Variants in SLC4A4 observed in about 807,000 individuals in gnomAD.
The protein encoded by SLC4A4 is solute carrier family 4 member 4, also known as electrogenic sodium bicarbonate cotransporter 1.
SLC4A4 carries 27 observed loss-of-function variants against 111.5 expected under a neutral mutation model. The ratio of observed to expected loss-of-function variants is 0.24; its 90% CI spans 0.18 to 0.33. The LOEUF (loss-of-function observed/expected upper bound fraction) is 0.33. Among genes scored for constraint, SLC4A4 ranks in the 10% least tolerant of loss-of-function variants. The probability of loss-of-function intolerance (pLI) is 1.00; values close to 1 mark genes in which losing one functional copy is unlikely to be tolerated. For synonymous variants in SLC4A4, 443 were observed against 463.4 expected (o/e 0.96, Z 0.57); for missense variants, 909 against 1,315.5 (o/e 0.69, Z 4.78).
chr4:71,534,336 T>C lies in SLC4A4; in HGVS notation c.2390T>C (p.Met797Thr), dbSNP rs1244576835. 1.2e-6 allele frequency: 2 copies of C among 1,613,520 alleles called. No individual in the cohort carries two copies. The highest frequency in any genetic ancestry group is 1.7e-6 in the Non-Finnish European group (2 of 1,179,694). The change falls in exon 18 of 26, where the codon ATG becomes ACG. Residue 797 changes from methionine (M) to threonine (T), a missense_variant. Transcript: ENST00000264485. ...PALLVTILIF[M>T]DQQITAVIVN... Reference sequence around the variant, plus strand: ...TTGTTGGTCACTATACTGATTTTCATGGACCAACAAATTACAGCTGTGATT... The same window carrying C: ...TTGTTGGTCACTATACTGATTTTCACGGACCAACAAATTACAGCTGTGATT...
chr4:71,224,818 A>C (rs2149026498), intron 1 of SLC4A4, among the ~76,000 whole-genome samples: 1 of 152,310 alleles, frequency 6.6e-6, no homozygotes, highest in African/African-American at 2.4e-5. Context: ...ATTATGAAAG[A>C]GTATAGTAGA....
chr4:71,436,861 T>G lies in SLC4A4; in HGVS notation c.808-3755T>G, dbSNP rs910221193. 8.0e-4 allele frequency: 147 copies of G among 184,210 alleles called. 1 individual carries two copies. Among genetic ancestry groups the G allele is most frequent in the African/African-American group, 3.2e-3 (132 of 41,848 alleles). 11.4% of individuals were successfully genotyped at this position (184,210 alleles called of 1,614,324 possible). ...TCCTTGTAACTTCCCATTGACAGTGTCATGTCATTAAAACCCAGGCTATGT... is the reference window on the plus strand; with the variant it reads ...TCCTTGTAACTTCCCATTGACAGTGGCATGTCATTAAAACCCAGGCTATGT... On this transcript the variant is annotated intron_variant, in intron 7 of 25. Transcript: ENST00000264485.
chr4:71,295,350 G>A (rs183083197), intron 3 of SLC4A4, among the ~76,000 whole-genome samples: 80 of 152,258 alleles, frequency 5.3e-4, no homozygotes, highest in Non-Finnish European at 9.7e-4. Context: ...CAAACCCTAG[G>A]TGTATATCCA....
At chr4:71,070,043 T>A (rs542576202) in intron 1 of SLC4A4, among the ~76,000 whole-genome samples, 1 of 152,216 alleles carries the variant, frequency 6.6e-6, no homozygotes, top group South Asian at 2.1e-4. Context: ...ATCAGAAGAT[T>A]TTCTCATTTA....
intron 6 of SLC4A4, among the ~76,000 whole-genome samples, chr4:71,368,306 G>C (rs1318413657): frequency 6.6e-6 from 1 of 152,152 alleles, no homozygotes; most frequent in Non-Finnish European, 1.5e-5. Flanking sequence ...TGTGGTCTAA[G>C]ATTTGGCATA....
intron 3 of SLC4A4, among the ~76,000 whole-genome samples, chr4:71,280,652 G>A (rs528633151): frequency 6.6e-6 from 1 of 152,222 alleles, no homozygotes; most frequent in East Asian, 1.9e-4. Context: ...TCACAGAGCA[G>A]AAGTTTTAAG....
At chr4:71,334,475 G>A (rs1037227444) in intron 3 of SLC4A4, among the ~76,000 whole-genome samples, 3 of 152,122 alleles carry the variant, frequency 2.0e-5, no homozygotes, top group Admixed American at 6.5e-5. Context: ...CTTGGAGTTG[G>A]GGGAGAGGTG....
Position 71,187,327 on chromosome 4 carries a change from G to C in SLC4A4, c.-76G>C, listed in dbSNP as rs867721397. The C allele has an allele frequency of 2.3e-4, 35 of 154,768 alleles. No individual in the cohort carries two copies. The highest frequency in any genetic ancestry group is 8.0e-4 in the African/African-American group (33 of 41,336). The allele number at this position is 154,768 out of a possible 1,614,324, so 9.6% of individuals were successfully genotyped here. ...TGGCAGCGAAGGCGGCGGCGGCGGC[G>C]GCAGTGGCAGTGGCCGCTGCAGCCC... On this transcript the variant is annotated 5_prime_UTR_variant, in exon 1 of 26. Coordinates refer to ENST00000264485, the MANE Select transcript of SLC4A4 (RefSeq NM_001098484.3).
chr4:71,083,576 G>A (rs1742055193), intron 1 of SLC4A4, among the ~76,000 whole-genome samples: 1 of 151,898 alleles, frequency 6.6e-6, no homozygotes. Context: ...GACAGACAGG[G>A]CAGCTAAAGG....
intron 3 of SLC4A4, among the ~76,000 whole-genome samples, chr4:71,298,448 G>C (rs1439866337): frequency 6.6e-6 from 1 of 152,146 alleles, no homozygotes; most frequent in Non-Finnish European, 1.5e-5. Context: ...CAACCATTAA[G>C]GTTGATGGTG....
intron 3 of SLC4A4, among the ~76,000 whole-genome samples, chr4:71,315,296 C>A (rs1000821239): frequency 6.6e-6 from 1 of 152,112 alleles, no homozygotes; most frequent in African/African-American, 2.4e-5. Flanking sequence ...TAGTTTACAG[C>A]CCACCTAGGT....
chr4:71,266,631 G>T (rs967714491), intron 3 of SLC4A4, among the ~76,000 whole-genome samples: 2 of 151,748 alleles, frequency 1.3e-5, no homozygotes, highest in Non-Finnish European at 2.9e-5. Flanking sequence ...TTTTTTTCTG[G>T]CCAGAAAGCC....
intron 4 of SLC4A4, among the ~76,000 whole-genome samples, chr4:71,343,081 G>A (rs1729024262): frequency 1.3e-5 from 2 of 152,162 alleles, no homozygotes; most frequent in Non-Finnish European, 2.9e-5. Context: ...AGACTACCAT[G>A]TCTGTTCACT....
chr4:71,516,815 T>C (rs1275902271), intron 16 of SLC4A4, among the ~76,000 whole-genome samples: 1 of 152,198 alleles, frequency 6.6e-6, no homozygotes, highest in African/African-American at 2.4e-5. Flanking sequence ...CTATTCGAGG[T>C]ATGTTTCTCT....
At chr4:71,100,884 C>G (rs1235958185) in intron 2 of SLC4A4, among the ~76,000 whole-genome samples, 3 of 152,164 alleles carry the variant, frequency 2.0e-5, no homozygotes, top group African/African-American at 7.2e-5. Flanking sequence ...ATATAACTAA[C>G]CAGGGAGGTG....
chr4:71,351,653 G>C (rs1019217321), intron 5 of SLC4A4, among the ~76,000 whole-genome samples: 1 of 152,172 alleles, frequency 6.6e-6, no homozygotes. Flanking sequence ...TCAGGAGTTC[G>C]AGACCAGTCT....
In SLC4A4 at chr4:71,268,441, A is replaced by C. The variant is rs553181946; in HGVS notation, c.253+13042A>C. 5.3e-5 allele frequency among the ~76,000 whole-genome samples: 8 copies of C among 152,272 alleles called. No individual in the cohort carries two copies. In the East Asian group the frequency reaches 1.5e-3, roughly 29 times the overall value. On this transcript the variant is annotated intron_variant, in intron 3 of 25. Coordinates refer to ENST00000264485, the MANE Select transcript of SLC4A4 (RefSeq NM_001098484.3). ...TGTCGTCCATCCAAAATGACTTTACATATGTCACCAGAGCATGGAAGTGTT... is the reference window on the plus strand; with the variant it reads ...TGTCGTCCATCCAAAATGACTTTACCTATGTCACCAGAGCATGGAAGTGTT...
intron 2 of SLC4A4, among the ~76,000 whole-genome samples, chr4:71,163,001 C>G (rs1319572140): frequency 6.6e-6 from 1 of 152,086 alleles, no homozygotes; most frequent in East Asian, 1.9e-4. Flanking sequence ...GACTGGGGGT[C>G]AGGGAGCTAG....
chr4:71,278,264 A>G (rs1723232675), intron 3 of SLC4A4, among the ~76,000 whole-genome samples: 1 of 152,090 alleles, frequency 6.6e-6, no homozygotes, highest in Admixed American at 6.6e-5. Flanking sequence ...TGTTGTCACT[A>G]GTAGCAGGAT....
Sources: allele counts gnomAD v4.1 joint callset (sites outside exome capture counted in the v4.1 genomes callset), GRCh38; gene constraint gnomAD v4.1.1; transcripts MANE v1.5; gene names NCBI Gene and HGNC (gene_info 2026-07-23, HGNC 2026-07-21).